CNTNAP5: variants seen among roughly 807,000 people sequenced by gnomAD.
CNTNAP5 encodes the protein contactin associated protein family member 5.
CNTNAP5 carries 72 observed loss-of-function variants against 150.2 expected under a neutral mutation model. The ratio of observed to expected loss-of-function variants is 0.48; its 90% CI spans 0.40 to 0.58. The LOEUF is 0.58. Among genes scored for constraint, CNTNAP5 ranks in the 20% least tolerant of loss-of-function variants. The pLI is 0.00. For missense variants in CNTNAP5, 1,636 were observed against 1,626.2 expected (o/e 1.01, Z -0.10); for synonymous variants, 672 against 619.8 (o/e 1.08, Z -1.25).
chr2:124,686,163 T>C (rs1332046551), intron 13 of CNTNAP5, among the ~76,000 whole-genome samples: 1 of 152,138 alleles, frequency 6.6e-6, no homozygotes, highest in African/African-American at 2.4e-5. Flanking sequence ...TTCAATCTTT[T>C]ATTTATTAGT....
At chr2:124,873,397 G>A (rs1402967617) in intron 21 of CNTNAP5, among the ~76,000 whole-genome samples, 1 of 152,064 alleles carries the variant, frequency 6.6e-6, no homozygotes, top group Non-Finnish European at 1.5e-5. Flanking sequence ...TGAGGACACA[G>A]ATACAAACCA....
rs1209564871 is a variant in CNTNAP5 at position 124,510,506 on chromosome 2, T to TATAC, written c.1327+5953_1327+5954insCATA. The stretch of plus-strand genomic sequence containing the variant: ...ATATATATATATATATATATATATA[T>TATAC]ATATATATATATACATATATCTCCA... On this transcript the variant is annotated intron_variant, in intron 8 of 23. Coordinates refer to ENST00000682447, the MANE Select transcript of CNTNAP5 (RefSeq NM_001367498.1). Among the ~76,000 whole-genome samples the TATAC allele has an allele frequency of 5.2e-3, 332 of 63,460 alleles. 7 individuals are homozygous for TATAC. Among genetic ancestry groups the TATAC allele is most frequent in the Non-Finnish European group, 6.3e-3 (195 of 30,922 alleles). 41.6% of individuals were successfully genotyped at this position (63,460 alleles called of 152,430 possible). A position where few individuals can be genotyped will look rare whatever the true frequency, so the allele number is the denominator to read the frequency against.
At chr2:124,504,692 G>T in intron 8 of CNTNAP5, 136 bp downstream of exon 8, 12 of 659,386 alleles carry the variant, frequency 1.8e-5, no homozygotes, top group Non-Finnish European at 2.4e-5. Context: ...CTCCAAGTCT[G>T]AAGAGGCAGC....
intron 1 of CNTNAP5, among the ~76,000 whole-genome samples, chr2:124,129,940 G>A (rs1300936605): frequency 1.3e-5 from 2 of 152,154 alleles, no homozygotes; most frequent in Non-Finnish European, 2.9e-5. Flanking sequence ...TGAAAGCACT[G>A]AAGACATCAT....
intron 19 of CNTNAP5, among the ~76,000 whole-genome samples, chr2:124,825,966 GCTTA>G (rs1682584278): frequency 6.6e-6 from 1 of 152,022 alleles, no homozygotes; most frequent in Non-Finnish European, 1.5e-5. Context: ...ACTCATTTTG[GCTTA>G]CTTAATAAAA....
At chr2:124,094,609 G>A (rs1682891637) in intron 1 of CNTNAP5, among the ~76,000 whole-genome samples, 1 of 152,088 alleles carries the variant, frequency 6.6e-6, no homozygotes, top group African/African-American at 2.4e-5. Context: ...TGTTCATTTT[G>A]TTTGTTTTAA....
At chr2:124,334,383 G>A (rs1689420971) in intron 3 of CNTNAP5, among the ~76,000 whole-genome samples, 1 of 152,072 alleles carries the variant, frequency 6.6e-6, no homozygotes, top group African/African-American at 2.4e-5. Context: ...CAGCTTGGGA[G>A]TTTTTCAGAA....
chr2:124,656,742 T>C (rs1207025908), intron 13 of CNTNAP5, among the ~76,000 whole-genome samples: 3 of 152,112 alleles, frequency 2.0e-5, no homozygotes, highest in African/African-American at 7.2e-5. Context: ...AGACACTACA[T>C]AAAATAAAAT....
intron 21 of CNTNAP5, among the ~76,000 whole-genome samples, chr2:124,895,891 A>T (rs983202165): frequency 6.6e-5 from 10 of 151,518 alleles, no homozygotes; most frequent in Admixed American, 5.9e-4. Context: ...CTGGCACCTG[A>T]AAAAAAGGAG....
At chr2:124,421,450 C>CTTGAAGTTAT (rs1252540243) in intron 4 of CNTNAP5, among the ~76,000 whole-genome samples, 1 of 152,172 alleles carries the variant, frequency 6.6e-6, no homozygotes, top group Non-Finnish European at 1.5e-5. Flanking sequence ...AAGTCCTGCG[C>CTTGAAGTTAT]AACTTATCTA....
intron 22 of CNTNAP5, among the ~76,000 whole-genome samples, chr2:124,903,508 C>A (rs1298006780): frequency 6.6e-6 from 1 of 151,924 alleles, no homozygotes; most frequent in Non-Finnish European, 1.5e-5. Flanking sequence ...CCTTTTTTAG[C>A]TTTATTAAGA....
In CNTNAP5 at chr2:124,599,949, A is replaced by G. The variant is rs146702972; in HGVS notation, c.1757-9852A>G. ...TAAGACGCTGAATAACTTGAGATTTAGAACCATGTCTTTTTTTTTTGCATG... is the reference window on the plus strand; with the variant it reads ...TAAGACGCTGAATAACTTGAGATTTGGAACCATGTCTTTTTTTTTTGCATG... On this transcript the variant is annotated intron_variant, in intron 11 of 23. Transcript: ENST00000682447. Among the ~76,000 whole-genome samples, 725 of 152,188 alleles carry G rather than the reference A, an allele frequency of 4.8e-3. 4 individuals carry two copies. Among genetic ancestry groups the G allele is most frequent in the African/African-American group, 0.017 (694 of 41,508 alleles).
Position 124,918,754 on chromosome 2 carries a change from C to T in CNTNAP5, c.*4466C>T, listed in dbSNP as rs559270328. Among the ~76,000 whole-genome samples the T allele has an allele frequency of 6.6e-6, 1 of 152,206 alleles. No homozygotes were observed. Among genetic ancestry groups the T allele is most frequent in the Admixed American group, 6.5e-5 (1 of 15,276 alleles). ...TCCTTAATGAAAAGGCTTGGACATACTTAGTCCTCAATTATCCTACAGGTC... is the reference window on the plus strand; with the variant it reads ...TCCTTAATGAAAAGGCTTGGACATATTTAGTCCTCAATTATCCTACAGGTC... On this transcript the variant is annotated 3_prime_UTR_variant, in exon 24 of 24. Coordinates refer to ENST00000682447, the MANE Select transcript of CNTNAP5 (RefSeq NM_001367498.1).
intron 12 of CNTNAP5, among the ~76,000 whole-genome samples, chr2:124,613,403 T>C (rs1276670362): frequency 6.6e-6 from 1 of 152,196 alleles, no homozygotes; most frequent in Non-Finnish European, 1.5e-5. Flanking sequence ...CTTGTGCCTG[T>C]CAGCTCAGTT....
chr2:124,111,398 G>A lies in CNTNAP5; in HGVS notation c.82+85666G>A, dbSNP rs1683296531. Among the ~76,000 whole-genome samples the A allele has an allele frequency of 2.6e-5, 4 of 152,118 alleles. No homozygotes were observed. The South Asian group carries it at 8.3e-4, about 32-fold the overall frequency. On this transcript the variant is annotated intron_variant, in intron 1 of 23. Coordinates refer to ENST00000682447, the MANE Select transcript of CNTNAP5 (RefSeq NM_001367498.1). ...TTTCTGGCTATGATACGGTGGGTGG[G>A]TTGTTTCATACATTTGTAGCTTGGC...
intron 21 of CNTNAP5, among the ~76,000 whole-genome samples, chr2:124,877,115 A>G (rs1205910585): frequency 6.6e-6 from 1 of 152,092 alleles, no homozygotes; most frequent in Non-Finnish European, 1.5e-5. Flanking sequence ...CTCATGCAAC[A>G]GGAATGTGTG....
chr2:124,647,029 G>A (rs138765900), intron 12 of CNTNAP5, among the ~76,000 whole-genome samples: 252 of 152,202 alleles, frequency 1.7e-3, no homozygotes, highest in African/African-American at 5.7e-3. Flanking sequence ...CTTGTTCTTG[G>A]CAGATACAGG....
intron 19 of CNTNAP5, among the ~76,000 whole-genome samples, chr2:124,809,379 GGTATTTAT>G (rs1271581902): frequency 1.6e-5 from 2 of 123,598 alleles, no homozygotes; most frequent in Admixed American, 1.9e-4. Context: ...ACAATAATAT[GGTATTTAT>G]TTATTTATTT....
chr2:124,857,817 C>A (rs539294364), intron 19 of CNTNAP5, among the ~76,000 whole-genome samples: 32 of 151,758 alleles, frequency 2.1e-4, no homozygotes, highest in African/African-American at 7.7e-4. Context: ...ACAAGAGTGA[C>A]ACTTCATGAA....
Sources: gnomAD v4.1 joint callset for allele counts (sites outside exome capture counted in the v4.1 genomes callset) on GRCh38, gnomAD v4.1.1 for gene constraint, MANE v1.5 for transcripts, NCBI Gene and HGNC (gene_info 2026-07-23, HGNC 2026-07-21) for gene names.